The following ERBB4 variants were observed in gnomAD, a reference collection of about 807,000 sequenced individuals.
ERBB4 encodes receptor tyrosine-protein kinase erbB-4.
In ERBB4, 42 loss-of-function variants were observed where a neutral mutation model predicts 158.0. That is an observed-to-expected ratio of 0.27 (90% CI 0.21 to 0.34). The LOEUF is 0.34. Among genes scored for constraint, ERBB4 ranks in the 10% least tolerant of loss-of-function variants. The probability of loss-of-function intolerance (pLI) is 1.00; values close to 1 mark genes in which losing one functional copy is unlikely to be tolerated. For synonymous variants in ERBB4, 583 were observed against 558.7 expected (o/e 1.04, Z -0.61); for missense variants, 1,333 against 1,624.1 (o/e 0.82, Z 3.08).
rs1411262755 is a variant in ERBB4, at chr2:211,379,342, G to A, written c.*4273C>T. The stretch of plus-strand genomic sequence containing the variant: ...TTTGCCTATTAAATTCTGCAAGGTG[G>A]TGTTTATTTAAAAAAATAAATAAAT... On this transcript the variant is annotated 3_prime_UTR_variant, in exon 28 of 28. Transcript: ENST00000342788. 1 of 227,028 alleles carries A rather than the reference G, an allele frequency of 4.4e-6. No homozygotes were observed. Among genetic ancestry groups the A allele is most frequent in the Non-Finnish European group, 8.7e-6 (1 of 114,422 alleles). The allele number at this position is 227,028 out of a possible 1,614,324, so 14.1% of individuals were successfully genotyped here.
intron 1 of ERBB4, among the ~76,000 whole-genome samples, chr2:212,191,542 CAT>C (rs375549322): frequency 1.2e-4 from 8 of 67,888 alleles, no homozygotes; most frequent in South Asian, 6.8e-4. Flanking sequence ...ATATATAACA[CAT>C]GTGTTATGCC....
intron 20 of ERBB4, 125 bp from the exon 21 acceptor site, chr2:211,431,225 A>C (rs1304568184): frequency 2.4e-6 from 2 of 819,182 alleles, no homozygotes; most frequent in Non-Finnish European, 3.9e-6. Flanking sequence ...AGAATCCTAG[A>C]ATATTTTCAA....
rs111432017 is a variant in ERBB4, at chr2:211,643,618, G to T, written c.1947-13024C>A. On this transcript the variant is annotated intron_variant, in intron 16 of 27. Coordinates refer to ENST00000342788, the MANE Select transcript of ERBB4 (RefSeq NM_005235.3). ...TTGCATTTTTAAAAACATAAATGAA[G>T]TCAATGGCCCTTTCCTTTCTTGTTA... 4.0e-3 allele frequency among the ~76,000 whole-genome samples: 611 copies of T among 152,144 alleles called. 4 individuals are homozygous for T. The highest frequency in any genetic ancestry group is 0.013 in the African/African-American group (553 of 41,526).
At chr2:212,494,418 T>C (rs961696892) in intron 1 of ERBB4, among the ~76,000 whole-genome samples, 9 of 152,186 alleles carry the variant, frequency 5.9e-5, no homozygotes, top group Non-Finnish European at 5.9e-5. Context: ...CTGGGATTAA[T>C]ATTAAAATAG....
At chr2:211,866,782 T>C (rs2078215884) in intron 3 of ERBB4, among the ~76,000 whole-genome samples, 1 of 152,112 alleles carries the variant, frequency 6.6e-6, no homozygotes, top group Non-Finnish European at 1.5e-5. Context: ...ATATAAATTT[T>C]AAAATACGCC....
chr2:211,855,083 T>C (rs2077821854), intron 3 of ERBB4, among the ~76,000 whole-genome samples: 1 of 152,118 alleles, frequency 6.6e-6, no homozygotes, highest in Non-Finnish European at 1.5e-5. Flanking sequence ...AATTTGCTTT[T>C]TTTTCTGATT....
Position 211,732,361 on chromosome 2 carries a change from G to GGAAA in ERBB4, c.623-7168_623-7167insTTTC, listed in dbSNP as rs139335340. Among the ~76,000 whole-genome samples, 1,168 of 148,496 alleles carry GGAAA rather than the reference G, an allele frequency of 7.9e-3. 21 individuals are homozygous for GGAAA. Among genetic ancestry groups the GGAAA allele is most frequent in the Middle Eastern group, 0.049 (14 of 288 alleles). ...AAAAAGGCTCTCAGAGGTCTTTTTT[G>GGAAA]AAAAAAAAAATTAGACCTAGCAAAA... On this transcript the variant is annotated intron_variant, in intron 5 of 27. Transcript: ENST00000342788.
intron 20 of ERBB4, among the ~76,000 whole-genome samples, chr2:211,554,586 G>A (rs2067188531): frequency 6.6e-6 from 1 of 152,228 alleles, no homozygotes; most frequent in African/African-American, 2.4e-5. Flanking sequence ...AGACACCACA[G>A]GTACTGTCTG....
In ERBB4 at chr2:212,515,624, A is replaced by C. The variant is rs1345491626; in HGVS notation, c.82+22825T>G. On this transcript the variant is annotated intron_variant, in intron 1 of 27. Coordinates refer to ENST00000342788, the MANE Select transcript of ERBB4 (RefSeq NM_005235.3). ...TATCTCTATATGAAGATAAAAAATA[A>C]AGAAAAGGTTCACTAGTATATTGAT... Among the ~76,000 whole-genome samples, 4 of 151,840 alleles carry C rather than the reference A, an allele frequency of 2.6e-5. No homozygotes were observed. The East Asian group carries it at 7.7e-4, about 29-fold the overall frequency.
intron 20 of ERBB4, among the ~76,000 whole-genome samples, chr2:211,494,085 C>T (rs2065411392): frequency 6.6e-6 from 1 of 152,168 alleles, no homozygotes; most frequent in South Asian, 2.1e-4. Flanking sequence ...TCACTACAAC[C>T]TCTGCCTCCT....
rs78783731 is a variant in ERBB4, at chr2:211,547,946, G to C, written c.2487+13957C>G. ...CAAACAAAGCCACAGGCAAAGCAAAGCAAAAGGGAAGCTTGCTATTTTATA... is the reference window on the plus strand; with the variant it reads ...CAAACAAAGCCACAGGCAAAGCAAACCAAAAGGGAAGCTTGCTATTTTATA... On this transcript the variant is annotated intron_variant, in intron 20 of 27. Coordinates refer to ENST00000342788, the MANE Select transcript of ERBB4 (RefSeq NM_005235.3). Among the ~76,000 whole-genome samples, 1,010 of 152,162 alleles carry C rather than the reference G, an allele frequency of 6.6e-3. 11 individuals carry two copies. Among genetic ancestry groups the C allele is most frequent in the African/African-American group, 0.023 (964 of 41,540 alleles).
intron 1 of ERBB4, among the ~76,000 whole-genome samples, chr2:212,183,356 T>C (rs548672525): frequency 1.3e-5 from 2 of 152,100 alleles, no homozygotes; most frequent in South Asian, 2.1e-4. Flanking sequence ...GGCTGAACCA[T>C]GGGTAGTCTA....
At chr2:212,094,292 A>G (rs2078864518) in intron 2 of ERBB4, among the ~76,000 whole-genome samples, 1 of 150,074 alleles carries the variant, frequency 6.7e-6, no homozygotes, top group African/African-American at 2.4e-5. Flanking sequence ...AAATAAAATT[A>G]AATTACATAA....
chr2:211,473,381 A>G (rs1219348160), intron 20 of ERBB4, among the ~76,000 whole-genome samples: 1 of 152,126 alleles, frequency 6.6e-6, no homozygotes, highest in Non-Finnish European at 1.5e-5. Flanking sequence ...CTCCAGAACC[A>G]TAAGAGATTA....
rs1317975054 is a variant in ERBB4 at position 212,327,122 on chromosome 2, A to T, written c.83-202219T>A. 2.7e-5 allele frequency among the ~76,000 whole-genome samples: 4 copies of T among 150,644 alleles called. No individual in the cohort carries two copies. The East Asian group carries it at 7.8e-4, about 29-fold the overall frequency. On this transcript the variant is annotated intron_variant, in intron 1 of 27. Coordinates refer to ENST00000342788, the MANE Select transcript of ERBB4 (RefSeq NM_005235.3). ...CTTCATGAAGTTTTTGAGACGATTA[A>T]ATGAGTTCATACGTGTGAAGTATAC...
chr2:212,394,204 CCT>C (rs1273651989), intron 1 of ERBB4, among the ~76,000 whole-genome samples: 1 of 151,838 alleles, frequency 6.6e-6, no homozygotes, highest in Non-Finnish European at 1.5e-5. Context: ...AAAGGACTTC[CCT>C]GAGGAAATAA....
chr2:212,217,520 A>G (rs1441746149), intron 1 of ERBB4, among the ~76,000 whole-genome samples: 2 of 151,280 alleles, frequency 1.3e-5, no homozygotes, highest in South Asian at 4.1e-4. Context: ...ATTTGTTAGT[A>G]TAAGAAGCTA....
chr2:211,746,982 C>T (rs948134621), intron 5 of ERBB4, among the ~76,000 whole-genome samples: 1 of 152,126 alleles, frequency 6.6e-6, no homozygotes, highest in African/African-American at 2.4e-5. Context: ...CTTTCCTCAA[C>T]TCTCTGTATG....
At position 212,538,335 on chromosome 2, in the gene ERBB4, G is replaced by A. The variant is rs998216697; in HGVS notation, c.82+114C>T. The A allele has an allele frequency of 2.8e-5, 25 of 906,700 alleles. 1 individual carries two copies. Among genetic ancestry groups the A allele is most frequent in the African/African-American group, 1.1e-4 (7 of 61,466 alleles). The allele number at this position is 906,700 out of a possible 1,614,324, so 56.2% of individuals were successfully genotyped here. ...ACCGAAAGCCCAGGGAAGAGGCCCCGGTCAAGCGGTCCCTCCACGCCTCCC... is the reference window on the plus strand; with the variant it reads ...ACCGAAAGCCCAGGGAAGAGGCCCCAGTCAAGCGGTCCCTCCACGCCTCCC... On this transcript the variant is annotated intron_variant, in intron 1 of 27. Transcript: ENST00000342788.
Sources: allele counts gnomAD v4.1 joint callset (sites outside exome capture counted in the v4.1 genomes callset), GRCh38; gene constraint gnomAD v4.1.1; transcripts MANE v1.5; gene names NCBI Gene and HGNC (gene_info 2026-07-23, HGNC 2026-07-21).